The following THSD7A variants were observed in gnomAD, a reference collection of about 807,000 sequenced individuals.
THSD7A encodes the protein thrombospondin type-1 domain-containing protein 7A.
In THSD7A, 96 loss-of-function variants were observed where a neutral mutation model predicts 231.3. The ratio of observed to expected loss-of-function variants is 0.41; its 90% CI spans 0.35 to 0.49. The LOEUF (loss-of-function observed/expected upper bound fraction) is 0.49. Among genes scored for constraint, THSD7A ranks in the 20% least tolerant of loss-of-function variants. The pLI is 0.05. For missense variants in THSD7A, 2,290 were observed against 2,070.2 expected (o/e 1.11, Z -2.06); for synonymous variants, 940 against 743.3 (o/e 1.26, Z -4.30).
chr7:11,455,900 T>TC (rs1785292317), intron 11 of THSD7A, among the ~76,000 whole-genome samples: 4 of 152,012 alleles, frequency 2.6e-5, no homozygotes, highest in Middle Eastern at 3.2e-3. Flanking sequence ...AGATAGTTCC[T>TC]CCAATTTGAA....
At position 11,382,811 on chromosome 7, in the gene THSD7A, C is replaced by T. The variant is rs191309001; in HGVS notation, c.4412-195G>A. Among the ~76,000 whole-genome samples the T allele has an allele frequency of 4.8e-3, 725 of 151,898 alleles. 8 individuals are homozygous for T. Among genetic ancestry groups the T allele is most frequent in the African/African-American group, 0.016 (681 of 41,468 alleles). On this transcript the variant is annotated intron_variant, in intron 23 of 27. Transcript: ENST00000423059. ...TATACCTCAATCCCAACTAATTTTCCATGTCTGCTGTCACACTACCTGGTG... is the reference window on the plus strand; with the variant it reads ...TATACCTCAATCCCAACTAATTTTCTATGTCTGCTGTCACACTACCTGGTG...
intron 23 of THSD7A, among the ~76,000 whole-genome samples, chr7:11,400,040 T>G (rs528068085): frequency 6.6e-6 from 1 of 151,890 alleles, no homozygotes; most frequent in African/African-American, 2.4e-5. Context: ...AAACCATCAT[T>G]CTGAGCAAAC....
At position 11,444,763 on chromosome 7, in the gene THSD7A, A is replaced by G. The variant is rs1784909383; in HGVS notation, c.3064+1298T>C. On this transcript the variant is annotated intron_variant, in intron 13 of 27. Coordinates refer to ENST00000423059, the MANE Select transcript of THSD7A (RefSeq NM_015204.3). This position sits in a 1 kb window ranked among gnomAD's most constrained non-coding sequence, Gnocchi z 4.2. ...CTTAAAGTATAACAAAAAAAAAGAG[A>G]GGGGGCACAGTTGTCTGCTCTGTGT... Among the ~76,000 whole-genome samples, 3 of 148,270 alleles carry G rather than the reference A, an allele frequency of 2.0e-5. No homozygotes were observed. In the Admixed American group the frequency reaches 2.0e-4, roughly 10 times the overall value.
At chr7:11,416,404 G>A (rs939455005) in intron 17 of THSD7A, among the ~76,000 whole-genome samples, 1 of 152,186 alleles carries the variant, frequency 6.6e-6, no homozygotes, top group Non-Finnish European at 1.5e-5. Context: ...AACACAGACA[G>A]TGTAGCATAT....
At chr7:11,712,467 A>AACATTT (rs1408795211) in intron 1 of THSD7A, among the ~76,000 whole-genome samples, 2 of 151,062 alleles carry the variant, frequency 1.3e-5, no homozygotes, top group African/African-American at 4.8e-5. Context: ...CTTTACTGAA[A>AACATTT]ACATTTACCT....
intron 1 of THSD7A, among the ~76,000 whole-genome samples, chr7:11,733,611 C>T (rs1583236637): frequency 1.3e-5 from 2 of 151,662 alleles, no homozygotes; most frequent in African/African-American, 4.8e-5. Flanking sequence ...CAAGAGGCAG[C>T]GTCTACACAG....
At chr7:11,682,316 T>G (rs142849218) in intron 1 of THSD7A, among the ~76,000 whole-genome samples, 116 of 152,214 alleles carry the variant, frequency 7.6e-4, no homozygotes, top group African/African-American at 2.8e-3. Flanking sequence ...AATGGCAAAT[T>G]GTATTTTTAA....
chr7:11,529,612 C>CTA (rs1788619029), intron 6 of THSD7A, among the ~76,000 whole-genome samples: 1 of 60,158 alleles, frequency 1.7e-5, no homozygotes, highest in African/African-American at 1.5e-4. Context: ...TGCTCTCTCT[C>CTA]TCTCTCGCTG....
chr7:11,509,591 G>T (rs1490604469), intron 6 of THSD7A, among the ~76,000 whole-genome samples: 1 of 151,836 alleles, frequency 6.6e-6, no homozygotes, highest in African/African-American at 2.4e-5. Context: ...CCAGCACTTT[G>T]GGAGGCCGAG....
chr7:11,466,599 G>A (rs1249640644), intron 9 of THSD7A, among the ~76,000 whole-genome samples: 1 of 151,954 alleles, frequency 6.6e-6, no homozygotes, highest in Non-Finnish European at 1.5e-5. Context: ...TTAAAAATCG[G>A]AGTGCCTAGG....
chr7:11,529,754 G>A (rs1448333297), intron 6 of THSD7A, among the ~76,000 whole-genome samples: 6 of 152,152 alleles, frequency 3.9e-5, no homozygotes, highest in African/African-American at 1.2e-4. Context: ...GCCAGTCTCA[G>A]ATAGTATCTT....
intron 4 of THSD7A, among the ~76,000 whole-genome samples, chr7:11,570,752 C>T (rs899870252): frequency 1.3e-5 from 2 of 152,140 alleles, no homozygotes; most frequent in Admixed American, 6.5e-5. Flanking sequence ...AAAATGTCAG[C>T]ATTGCTACCC....
At chr7:11,453,844 A>G (rs1785220885) in intron 11 of THSD7A, among the ~76,000 whole-genome samples, 1 of 152,078 alleles carries the variant, frequency 6.6e-6, no homozygotes. Context: ...TTGTAAAGAA[A>G]AGAATAAACA....
intron 22 of THSD7A, among the ~76,000 whole-genome samples, chr7:11,404,490 C>T (rs1005575240): frequency 2.6e-5 from 4 of 152,216 alleles, no homozygotes; most frequent in Non-Finnish European, 5.9e-5. Context: ...TTTTTGTTGC[C>T]TCTATGGCCA....
intron 1 of THSD7A, among the ~76,000 whole-genome samples, chr7:11,771,469 A>G (rs2053361546): frequency 6.6e-6 from 1 of 152,188 alleles, no homozygotes; most frequent in South Asian, 2.1e-4. Flanking sequence ...GTAATTTTAA[A>G]ACATTGAGAA....
chr7:11,796,008 G>T (rs565620471), intron 1 of THSD7A, among the ~76,000 whole-genome samples: 1 of 132,158 alleles, frequency 7.6e-6, no homozygotes, highest in South Asian at 2.4e-4. Flanking sequence ...ATGTATTTTT[G>T]GTACTTCTTT....
chr7:11,555,026 G>C (rs1012167632), intron 4 of THSD7A, among the ~76,000 whole-genome samples: 9 of 151,806 alleles, frequency 5.9e-5, no homozygotes, highest in African/African-American at 1.9e-4. Context: ...GAGGTTTAAT[G>C]ATCTATTGAA....
At chr7:11,820,445 A>G (rs1784839630) in intron 1 of THSD7A, 18 of 1,315,160 alleles carry the variant, frequency 1.4e-5, no homozygotes, top group Non-Finnish European at 1.8e-5. Flanking sequence ...CTTGATTTCC[A>G]GAACATGAAC....
chr7:11,656,785 T>C (rs947391976), intron 1 of THSD7A, among the ~76,000 whole-genome samples: 1 of 151,886 alleles, frequency 6.6e-6, no homozygotes, highest in African/African-American at 2.4e-5. Context: ...CTTTCTGAGT[T>C]GAGAAATACC....
Sources: allele counts gnomAD v4.1 joint callset (sites outside exome capture counted in the v4.1 genomes callset), GRCh38; gene constraint gnomAD v4.1.1; non-coding constraint Gnocchi (gnomAD v3.1); transcripts MANE v1.5; gene names NCBI Gene and HGNC (gene_info 2026-07-23, HGNC 2026-07-21).